NCKAP5: variants seen among roughly 807,000 people sequenced by gnomAD.
The protein encoded by NCKAP5 is nck-associated protein 5.
NCKAP5 carries 92 observed loss-of-function variants against 167.0 expected under a neutral mutation model. The ratio of observed to expected loss-of-function variants is 0.55; its 90% CI spans 0.47 to 0.66. NCKAP5 has a LOEUF of 0.66. Among genes scored for constraint, NCKAP5 ranks in the 30% least tolerant of loss-of-function variants. The probability of loss-of-function intolerance (pLI) is 0.00; values close to 1 mark genes in which losing one functional copy is unlikely to be tolerated. For missense variants in NCKAP5, 2,378 were observed against 2,315.0 expected (o/e 1.03, Z -0.56); for synonymous variants, 891 against 877.4 (o/e 1.02, Z -0.27).
chr2:133,366,508 G>T (rs1685466401), intron 3 of NCKAP5, among the ~76,000 whole-genome samples: 1 of 151,964 alleles, frequency 6.6e-6, no homozygotes, highest in Non-Finnish European at 1.5e-5. Context: ...TCACCATATT[G>T]CCAGGCTGGT....
intron 1 of NCKAP5, among the ~76,000 whole-genome samples, chr2:133,564,952 G>A (rs1469519534): frequency 6.6e-6 from 1 of 152,206 alleles, no homozygotes; most frequent in Non-Finnish European, 1.5e-5. Flanking sequence ...GTGTGCCCTC[G>A]TGAGACACAG....
chr2:132,926,374 T>A lies in NCKAP5; in HGVS notation c.579+37346A>T, dbSNP rs1433239435. Reference sequence around the variant, plus strand: ...TTTTTATATGATGATTTATTTTCTTTAAGGTAGATACCCAGTAGTGGAATT... The same window carrying A: ...TTTTTATATGATGATTTATTTTCTTAAAGGTAGATACCCAGTAGTGGAATT... On this transcript the variant is annotated intron_variant, in intron 8 of 19. Transcript: ENST00000409261. Among the ~76,000 whole-genome samples, 6 of 152,212 alleles carry A rather than the reference T, an allele frequency of 3.9e-5. No individual in the cohort carries two copies. In the East Asian group the frequency reaches 9.6e-4, roughly 24 times the overall value.
At chr2:132,998,602 T>A (rs983188834) in intron 6 of NCKAP5, among the ~76,000 whole-genome samples, 1 of 152,176 alleles carries the variant, frequency 6.6e-6, no homozygotes, top group African/African-American at 2.4e-5. Flanking sequence ...TGATGACATC[T>A]TTTTTTAAAA....
chr2:133,073,333 T>G (rs369667970), intron 6 of NCKAP5, among the ~76,000 whole-genome samples: 2 of 151,912 alleles, frequency 1.3e-5, no homozygotes, highest in African/African-American at 4.8e-5. Flanking sequence ...AGAAAAAAAC[T>G]AGAGAAAAAG....
At chr2:133,105,677 G>A (rs1368170306) in intron 6 of NCKAP5, among the ~76,000 whole-genome samples, 2 of 152,196 alleles carry the variant, frequency 1.3e-5, no homozygotes, top group Non-Finnish European at 2.9e-5. Context: ...GAATCTAAGA[G>A]GACCAGCTGG....
chr2:133,504,735 C>T (rs533209038), intron 3 of NCKAP5, among the ~76,000 whole-genome samples: 3 of 152,276 alleles, frequency 2.0e-5, no homozygotes, highest in South Asian at 2.1e-4. Flanking sequence ...AGGAGGCTGG[C>T]GAGGGGCCAG....
At chr2:133,518,344 AT>A (rs751025050) in intron 2 of NCKAP5, among the ~76,000 whole-genome samples, 1,869 of 74,296 alleles carry the variant, frequency 0.025, 16 homozygotes, top group African/African-American at 0.086. Flanking sequence ...ACAGTAAAGG[AT>A]TTTTTTTTTT....
At chr2:133,632,316 A>T in the NCKAP5 span, among the ~76,000 whole-genome samples, 1 of 152,282 alleles carries the variant, frequency 6.6e-6, no homozygotes, top group African/African-American at 2.4e-5. Flanking sequence ...TAAAGAAGAA[A>T]AAAACAGGTG....
intron 8 of NCKAP5, among the ~76,000 whole-genome samples, chr2:132,943,604 T>C (rs1444376953): frequency 2.0e-5 from 3 of 152,220 alleles, no homozygotes; most frequent in African/African-American, 7.2e-5. Context: ...AAAAATGATG[T>C]TGCCGGTCAT....
intron 6 of NCKAP5, among the ~76,000 whole-genome samples, chr2:133,004,105 T>C (rs1042285936): frequency 6.6e-6 from 1 of 152,196 alleles, no homozygotes; most frequent in Non-Finnish European, 1.5e-5. Context: ...TTTGTAGAGT[T>C]CACACTCATC....
At chr2:132,752,860 A>G (rs987632179) in intron 16 of NCKAP5, among the ~76,000 whole-genome samples, 1 of 152,194 alleles carries the variant, frequency 6.6e-6, no homozygotes, top group Middle Eastern at 3.2e-3. Flanking sequence ...ACCCATGAAG[A>G]GCTGATGTTT....
chr2:133,304,495 T>G (rs1230618149), intron 3 of NCKAP5, among the ~76,000 whole-genome samples: 2 of 152,178 alleles, frequency 1.3e-5, no homozygotes, highest in African/African-American at 4.8e-5. Flanking sequence ...ACTGGGAATG[T>G]TAAAAACAAA....
intron 4 of NCKAP5, among the ~76,000 whole-genome samples, chr2:133,297,529 TG>T (rs765288202): frequency 1.3e-5 from 2 of 152,174 alleles, no homozygotes; most frequent in Admixed American, 6.5e-5. Flanking sequence ...AATATATTTT[TG>T]TGTCACAGCA....
intron 8 of NCKAP5, among the ~76,000 whole-genome samples, chr2:132,950,809 A>T (rs2076163476): frequency 6.6e-6 from 1 of 152,170 alleles, no homozygotes; most frequent in Admixed American, 6.5e-5. Context: ...TCTCCTCTAA[A>T]TGAATTCCTG....
intron 5 of NCKAP5, among the ~76,000 whole-genome samples, chr2:133,163,831 A>G (rs1028292700): frequency 2.6e-5 from 4 of 152,222 alleles, no homozygotes; most frequent in African/African-American, 9.6e-5. Context: ...ATTGTATGAG[A>G]TGAATTCCAA....
chr2:133,357,304 C>G (rs1481887896), intron 3 of NCKAP5, among the ~76,000 whole-genome samples: 4 of 151,170 alleles, frequency 2.6e-5, no homozygotes, highest in Admixed American at 1.3e-4. Context: ...CACACACACA[C>G]ACACACACAC....
At chr2:133,119,841 A>C (rs1299647723) in intron 6 of NCKAP5, among the ~76,000 whole-genome samples, 1 of 151,516 alleles carries the variant, frequency 6.6e-6, no homozygotes, top group Admixed American at 6.6e-5. Flanking sequence ...CTTCAATATA[A>C]TATTTATTAT....
intron 19 of NCKAP5, among the ~76,000 whole-genome samples, chr2:132,708,519 G>T (rs1368945392): frequency 1.3e-5 from 2 of 151,972 alleles, no homozygotes; most frequent in Non-Finnish European, 2.9e-5. Flanking sequence ...AGTAGCTTGG[G>T]TGCCAGCTCA....
intron 11 of NCKAP5, among the ~76,000 whole-genome samples, chr2:132,837,501 T>C (rs1048427260): frequency 1.3e-5 from 2 of 152,158 alleles, no homozygotes; most frequent in Non-Finnish European, 2.9e-5. Flanking sequence ...ATTGTGGTTA[T>C]CATATTTTTA....
Sources: allele counts gnomAD v4.1 joint callset (sites outside exome capture counted in the v4.1 genomes callset), GRCh38; gene constraint gnomAD v4.1.1; transcripts MANE v1.5; gene names NCBI Gene and HGNC (gene_info 2026-07-23, HGNC 2026-07-21).